Variants in PTCHD1 observed in about 807,000 individuals in gnomAD.
PTCHD1 encodes the protein patched domain-containing protein 1.
In PTCHD1, 3 loss-of-function variants were observed where a neutral mutation model predicts 34.6. That is an observed-to-expected ratio of 0.09 (90% CI 0.04 to 0.22). The LOEUF is 0.22. Ranked by LOEUF, PTCHD1 falls within the 10% of genes least tolerant of loss-of-function variation. The pLI, the probability that PTCHD1 is intolerant of heterozygous loss-of-function variation, is 1.00. For missense variants in PTCHD1, 504 were observed against 685.5 expected, an observed-to-expected ratio of 0.74 and a Z score of 2.96; for synonymous variants, 305 against 283.1, an observed-to-expected ratio of 1.08 and a Z score of -0.77.
At position 23,403,849 on chromosome X, in the gene PTCHD1, T is replaced by TA. The variant is rs1923177536; in HGVS notation, c.*9670dup. On this transcript the variant is annotated 3_prime_UTR_variant, in exon 3 of 3. Coordinates refer to ENST00000379361, the MANE Select transcript of PTCHD1 (RefSeq NM_173495.3). ...GTATTTTTCCCTTTTAAAGATAGTT[T>TA]AAAAAATCAAGGTAATAAAAAACGG... 9.0e-6 allele frequency: 1 copy of TA among 111,700 alleles called. No individual in the cohort carries two copies. Among genetic ancestry groups the TA allele is most frequent in the Non-Finnish European group, 1.9e-5 (1 of 53,140 alleles). The allele number at this position is 111,700 out of a possible 1,213,427, so 9.2% of individuals were successfully genotyped here. A position where few individuals can be genotyped will look rare whatever the true frequency, so the allele number is the denominator to read the frequency against.
In PTCHD1 at chrX:23,379,313, G is replaced by T. The variant is rs150486918; in HGVS notation, c.352-278G>T. On this transcript the variant is annotated intron_variant, in intron 1 of 2. Transcript: ENST00000379361. ...GGCTTGCGAAAACCCAGATTCCTGG[G>T]CTACACCCCAGAAATTCTGATTTAC... Among the ~76,000 whole-genome samples, 468 of 111,714 alleles carry T rather than the reference G, an allele frequency of 4.2e-3. 3 individuals are homozygous for T. The highest frequency in any genetic ancestry group is 6.5e-3 in the Non-Finnish European group (345 of 53,138).
chrX:23,376,412 C>G (rs934121770), intron 1 of PTCHD1, among the ~76,000 whole-genome samples: 3 of 112,385 alleles, frequency 2.7e-5, no homozygotes, highest in Non-Finnish European at 5.6e-5. Context: ...GCTTCAAACC[C>G]TGGCTTTCTT....
chrX:23,343,964 G>C (rs183246785), intron 1 of PTCHD1, among the ~76,000 whole-genome samples: 3 of 112,620 alleles, frequency 2.7e-5, no homozygotes, highest in Non-Finnish European at 5.6e-5. Flanking sequence ...TAGGCAAGTA[G>C]TCCTACTGAG....
At chrX:23,383,377 C>G (rs920975884) in intron 2 of PTCHD1, among the ~76,000 whole-genome samples, 2 of 111,598 alleles carry the variant, frequency 1.8e-5, no homozygotes, top group African/African-American at 6.5e-5. Context: ...CAGTGTGATT[C>G]TGGTCACATA....
chrX:23,364,382 ACACACACACACACAC>A (rs1922076413), intron 1 of PTCHD1, among the ~76,000 whole-genome samples: 1 of 80,139 alleles, frequency 1.2e-5, no homozygotes, highest in African/African-American at 3.9e-5. Context: ...ACACACACAC[ACACACACACACACAC>A]ACACACACAC....
chrX:23,335,881 TTA>T (rs1921158182), intron 1 of PTCHD1, among the ~76,000 whole-genome samples: 1 of 111,662 alleles, frequency 9.0e-6, no homozygotes, highest in African/African-American at 3.3e-5. Context: ...GGGTATGAAA[TTA>T]TGTTTGTAAT....
intron 1 of PTCHD1, among the ~76,000 whole-genome samples, chrX:23,338,014 A>G (rs1378920778): frequency 8.9e-6 from 1 of 111,994 alleles, no homozygotes; most frequent in Non-Finnish European, 1.9e-5. Context: ...ACAGAAAAAT[A>G]TCTGTATTTC....
At chrX:23,367,864 C>T (rs756289818) in intron 1 of PTCHD1, among the ~76,000 whole-genome samples, 1 of 111,836 alleles carries the variant, frequency 8.9e-6, no homozygotes, top group South Asian at 3.8e-4. Context: ...GATGAAGTTA[C>T]ATCAGTGCTT....
chrX:23,353,599 CAA>C (rs1261733991), intron 1 of PTCHD1, among the ~76,000 whole-genome samples: 7 of 77,156 alleles, frequency 9.1e-5, no homozygotes, highest in African/African-American at 4.3e-4. Flanking sequence ...CAAAACAAAA[CAA>C]AACAAAACAA....
At chrX:23,352,330 T>C (rs955443299) in intron 1 of PTCHD1, among the ~76,000 whole-genome samples, 12 of 111,938 alleles carry the variant, frequency 1.1e-4, no homozygotes, top group Admixed American at 1.0e-3. Context: ...GAGAAGAGGC[T>C]AGGTCCTAAT....
intron 1 of PTCHD1, among the ~76,000 whole-genome samples, chrX:23,335,487 G>A (rs911588912): frequency 8.8e-6 from 1 of 113,470 alleles, no homozygotes; most frequent in Non-Finnish European, 1.9e-5. Flanking sequence ...GGCGGCGGCG[G>A]CCACAGTGCT....
Position 23,393,030 on chromosome X carries a change from A to T in PTCHD1, c.1512A>T (p.Val504=). 8.3e-7 allele frequency: 1 copy of T among 1,211,590 alleles called. No individual in the cohort carries two copies. The highest frequency in any genetic ancestry group is 1.1e-6 in the Non-Finnish European group (1 of 895,237). The change falls in exon 3 of 3, where the codon GTA becomes GTT. Residue 504 remains valine, a synonymous_variant. Transcript: ENST00000379361. The part of the protein sequence containing the change: ...WITNTYVKPF[V]VLFYLIYISF... ...CCAACACCTATGTCAAGCCTTTTGT[A>T]GTTCTCTTTTACCTTATTTATATTT...
intron 1 of PTCHD1, among the ~76,000 whole-genome samples, chrX:23,336,077 T>C (rs1007503478): frequency 1.8e-5 from 2 of 109,468 alleles, no homozygotes; most frequent in Middle Eastern, 9.5e-3. Flanking sequence ...ACCGAGCAGC[T>C]GGTTAGAGGG....
intron 1 of PTCHD1, among the ~76,000 whole-genome samples, chrX:23,364,612 C>A (rs1312640531): frequency 8.9e-6 from 1 of 112,154 alleles, no homozygotes; most frequent in South Asian, 3.7e-4. Flanking sequence ...AATGCCGATG[C>A]ATGGAGAATT....
chrX:23,373,523 T>G (rs1922328142), intron 1 of PTCHD1, among the ~76,000 whole-genome samples: 1 of 112,809 alleles, frequency 8.9e-6, no homozygotes, highest in Admixed American at 9.4e-5. Flanking sequence ...TCTGTTCACT[T>G]ATTAAGGGAT....
Position 23,394,420 on chromosome X carries a change from A to G in PTCHD1, c.*235A>G. On this transcript the variant is annotated 3_prime_UTR_variant, in exon 3 of 3. Coordinates refer to ENST00000379361, the MANE Select transcript of PTCHD1 (RefSeq NM_173495.3). Reference sequence around the variant, plus strand: ...TTCACACACACATAGACACACACACACACACACACACACACACACACACAC... The same window carrying G: ...TTCACACACACATAGACACACACACGCACACACACACACACACACACACAC... The G allele has an allele frequency of 2.0e-5, 6 of 298,424 alleles. No individual in the cohort carries two copies. The South Asian group carries it at 2.9e-4, about 14-fold the overall frequency. The allele number at this position is 298,424 out of a possible 1,213,427, so 24.6% of individuals were successfully genotyped here.
At chrX:23,376,001 A>G (rs1446949457) in intron 1 of PTCHD1, among the ~76,000 whole-genome samples, 1 of 111,999 alleles carries the variant, frequency 8.9e-6, no homozygotes, top group East Asian at 2.8e-4. Flanking sequence ...TTGTTATTGA[A>G]ATTGACACTG....
chrX:23,390,821 C>G (rs907967670), intron 2 of PTCHD1, among the ~76,000 whole-genome samples: 8 of 112,231 alleles, frequency 7.1e-5, no homozygotes, highest in African/African-American at 2.6e-4. Context: ...ATTGTACACA[C>G]AAGATAACAG....
At chrX:23,378,449 C>T (rs1403319651) in intron 1 of PTCHD1, among the ~76,000 whole-genome samples, 1 of 112,159 alleles carries the variant, frequency 8.9e-6, no homozygotes, top group Non-Finnish European at 1.9e-5. Context: ...TACACATACT[C>T]GTACATATCT....
Sources: allele counts gnomAD v4.1 joint callset (sites outside exome capture counted in the v4.1 genomes callset), GRCh38; gene constraint gnomAD v4.1.1; transcripts MANE v1.5; gene names NCBI Gene and HGNC (gene_info 2026-07-23, HGNC 2026-07-21).